DGKH: variants seen among roughly 807,000 people sequenced by gnomAD.
DGKH encodes the protein DAG kinase eta.
Under a neutral mutation model 159.3 loss-of-function variants are expected in DGKH, and 90 were observed. The observed-to-expected ratio is 0.57, with a 90% CI of 0.48 to 0.67. The LOEUF is 0.67. Ranked by LOEUF, DGKH falls within the 30% of genes least tolerant of loss-of-function variation. The pLI, the probability that DGKH is intolerant of heterozygous loss-of-function variation, is 0.00. For missense variants in DGKH, 1,181 were observed against 1,506.1 expected, an observed-to-expected ratio of 0.78 and a Z score of 3.57; for synonymous variants, 536 against 553.8, an observed-to-expected ratio of 0.97 and a Z score of 0.45.
chr13:42,125,251 T>C lies in DGKH; in HGVS notation c.193-2212T>C, dbSNP rs564904296. Among the ~76,000 whole-genome samples, 13 of 152,334 alleles carry C rather than the reference T, an allele frequency of 8.5e-5. 1 individual carries two copies. Among genetic ancestry groups the C allele is most frequent in the African/African-American group, 2.9e-4 (12 of 41,582 alleles). ...TCCTGACAGTGGCTGCAAACACTTA[T>C]TTACTTCTTACAAGAAGCTCTTATA... On this transcript the variant is annotated intron_variant, in intron 1 of 29. Transcript: ENST00000337343.
Position 42,237,132 on chromosome 13 carries a change from G to A in DGKH, c.*7944G>A, listed in dbSNP as rs1040124489. The stretch of plus-strand genomic sequence containing the variant: ...AAAACTAAAAATTTAAAACATAATG[G>A]CACAACATACGACACAGAATAAAAC... On this transcript the variant is annotated 3_prime_UTR_variant, in exon 30 of 30. Coordinates refer to ENST00000337343, the MANE Select transcript of DGKH (RefSeq NM_178009.5). 1.3e-5 allele frequency: 2 copies of A among 152,020 alleles called. No individual in the cohort carries two copies. The highest frequency in any genetic ancestry group is 4.8e-5 in the African/African-American group (2 of 41,384). The allele number at this position is 152,020 out of a possible 1,614,324, so 9.4% of individuals were successfully genotyped here. A position where few individuals can be genotyped will look rare whatever the true frequency, so the allele number is the denominator to read the frequency against.
intron 11 of DGKH, 122 bp downstream of exon 11, chr13:42,168,940 G>C: frequency 8.8e-7 from 1 of 1,134,772 alleles, no homozygotes. Flanking sequence ...CGAAGGCAGA[G>C]CCTTCCTGAT....
At chr13:42,187,703 C>T (rs1211574437) in intron 14 of DGKH, among the ~76,000 whole-genome samples, 2 of 152,090 alleles carry the variant, frequency 1.3e-5, no homozygotes, top group African/African-American at 4.8e-5. Context: ...AGATGCATAG[C>T]AGTCAGACCA....
intron 1 of DGKH, among the ~76,000 whole-genome samples, chr13:42,050,414 G>A (rs11620075): frequency 0.56 from 84,597 of 151,992 alleles, 24,862 homozygotes; most frequent in African/African-American, 0.74. Flanking sequence ...TGAAATACAT[G>A]TGTGTAAGAA....
At chr13:42,127,097 G>A (rs552171863) in intron 1 of DGKH, among the ~76,000 whole-genome samples, 35 of 152,156 alleles carry the variant, frequency 2.3e-4, no homozygotes, top group Non-Finnish European at 4.1e-4. Context: ...ACCAGGAGGT[G>A]AACCCAAGGT....
chr13:42,168,907 A>C lies in DGKH; in HGVS notation c.1367+89A>C, dbSNP rs1008919767. On this transcript the variant is annotated intron_variant, in intron 11 of 29. Transcript: ENST00000337343. ...ATTTCTTAATAAATATTTATTAATA[A>C]ATTTTACTGACTAGAAGCTCCACGA... The C allele has an allele frequency of 5.1e-6, 7 of 1,372,948 alleles. No individual in the cohort carries two copies. In the African/African-American group the frequency reaches 5.9e-5, roughly 11 times the overall value. The allele number at this position is 1,372,948 out of a possible 1,614,324, so 85.0% of individuals were successfully genotyped here.
chr13:42,112,665 A>G (rs1954884824), intron 1 of DGKH, among the ~76,000 whole-genome samples: 1 of 152,224 alleles, frequency 6.6e-6, no homozygotes, highest in African/African-American at 2.4e-5. Context: ...GATATTGTAA[A>G]TGACAAATCA....
At position 42,166,555 on chromosome 13, in the gene DGKH, A is replaced by G. The variant is rs753276954; in HGVS notation, c.999A>G (p.Leu333=). The G allele has an allele frequency of 1.0e-4, 160 of 1,597,010 alleles. No individual in the cohort carries two copies. The highest frequency in any genetic ancestry group is 2.6e-4 in the African/African-American group (19 of 74,186). The change falls in exon 9 of 30, where the codon CTA becomes CTG. Residue 333 remains leucine (L), a synonymous_variant. Transcript: ENST00000337343. The part of the protein sequence containing the change: ...RATFSFCVSP[L]LVFVNSKSGD... ...CATTTTCGTTCTGTGTTAGTCCTCT[A>G]TTGGTTTTTGTCAATTCTAAGAGTG...
rs575159436 is a variant in DGKH, at chr13:42,171,700, T to G, written c.1368-2360T>G. Among the ~76,000 whole-genome samples the G allele has an allele frequency of 4.1e-4, 62 of 152,234 alleles. 1 individual carries two copies. The South Asian group carries it at 0.013, about 31-fold the overall frequency. On this transcript the variant is annotated intron_variant, in intron 11 of 29. Transcript: ENST00000337343. ...CTTGCATCATACCTATTTTTTGCAC[T>G]GGAATGTTAGCTTCATTGGGGAAGC...
At chr13:42,049,604 CGCACCCT>C (rs1202214133) in intron 1 of DGKH, among the ~76,000 whole-genome samples, 1 of 152,228 alleles carries the variant, frequency 6.6e-6, no homozygotes, top group Non-Finnish European at 1.5e-5. Flanking sequence ...GCGGCTTAAC[CGCACCCT>C]GCATGGCTCC....
At chr13:42,190,348 A>T in intron 15 of DGKH, 55 bp from the exon 16 acceptor site, 4 of 1,569,156 alleles carry the variant, frequency 2.5e-6, no homozygotes, top group Non-Finnish European at 3.4e-6. Context: ...ATATCTTAAT[A>T]TTAATGGGCT....
chr13:42,116,989 T>C (rs1392190100), intron 1 of DGKH, among the ~76,000 whole-genome samples: 1 of 152,184 alleles, frequency 6.6e-6, no homozygotes, highest in East Asian at 1.9e-4. Flanking sequence ...TGGATTCCAG[T>C]TGGAGTCTAT....
At chr13:42,218,260 C>A (rs1255354088) in intron 26 of DGKH, among the ~76,000 whole-genome samples, 1 of 152,094 alleles carries the variant, frequency 6.6e-6, no homozygotes, top group Non-Finnish European at 1.5e-5. Context: ...TGAGTTAATG[C>A]AGATAATAGG....
chr13:42,113,954 A>G (rs1467475839), intron 1 of DGKH, among the ~76,000 whole-genome samples: 1 of 152,164 alleles, frequency 6.6e-6, no homozygotes, highest in Non-Finnish European at 1.5e-5. Context: ...AAGCTAAATT[A>G]TGCTAAGTTT....
At chr13:42,212,793 C>T (rs1254918830) in intron 24 of DGKH, among the ~76,000 whole-genome samples, 1 of 152,116 alleles carries the variant, frequency 6.6e-6, no homozygotes, top group African/African-American at 2.4e-5. Flanking sequence ...AGAAATGTGG[C>T]CAAAGGATTG....
intron 1 of DGKH, among the ~76,000 whole-genome samples, chr13:42,120,781 C>T (rs1279888851): frequency 6.6e-6 from 1 of 151,508 alleles, no homozygotes; most frequent in African/African-American, 2.4e-5. Flanking sequence ...GTTCATGAAC[C>T]CTCTAAAATT....
intron 1 of DGKH, among the ~76,000 whole-genome samples, chr13:42,120,767 G>A (rs574121991): frequency 6.6e-5 from 10 of 152,160 alleles, no homozygotes; most frequent in African/African-American, 2.4e-4. Flanking sequence ...GGTAGATCTC[G>A]AAAGTTCATG....
chr13:42,070,101 A>T (rs1882855363), intron 1 of DGKH: 3 of 961,622 alleles, frequency 3.1e-6, no homozygotes, highest in African/African-American at 1.6e-5. Flanking sequence ...TATGAAAAGG[A>T]TGGCTTGAAA....
intron 18 of DGKH, 54 bp downstream of exon 18, chr13:42,198,649 T>A (rs1287727452): frequency 2.1e-6 from 3 of 1,437,352 alleles, no homozygotes; most frequent in Non-Finnish European, 2.9e-6. Context: ...TTTTTTTTTT[T>A]TTTCAACATG....
Sources: allele counts gnomAD v4.1 joint callset (sites outside exome capture counted in the v4.1 genomes callset), GRCh38; gene constraint gnomAD v4.1.1; transcripts MANE v1.5; gene names NCBI Gene and HGNC (gene_info 2026-07-23, HGNC 2026-07-21).